PUF60: variants seen among roughly 807,000 people sequenced by gnomAD.
PUF60 encodes poly(U)-binding-splicing factor PUF60.
In PUF60, 10 loss-of-function variants were observed where a neutral mutation model predicts 61.8. That is an observed-to-expected ratio of 0.16 (90% CI 0.10 to 0.27). PUF60 has a LOEUF of 0.27. PUF60 is among the 10% of genes least tolerant of loss of function. The probability of loss-of-function intolerance (pLI) is 1.00; values close to 1 mark genes in which losing one functional copy is unlikely to be tolerated. For missense variants in PUF60, 371 were observed against 754.0 expected, an observed-to-expected ratio of 0.49 and a Z score of 5.95; for synonymous variants, 353 against 300.9, an observed-to-expected ratio of 1.17 and a Z score of -1.79.
rs782760216 is a variant in PUF60, at chr8:143,829,306, T to TGCGTCCGTCGCG, written c.-4_-3insCGCGACGGACGC. The TGCGTCCGTCGCG allele has an allele frequency of 6.3e-6, 8 of 1,264,262 alleles. No homozygotes were observed. The East Asian group carries it at 9.4e-5, about 15-fold the overall frequency. 78.3% of individuals were successfully genotyped at this position (1,264,262 alleles called of 1,614,324 possible). A position where few individuals can be genotyped will look rare whatever the true frequency, so the allele number is the denominator to read the frequency against. On this transcript the variant is annotated 5_prime_UTR_variant, in exon 1 of 12. Transcript: ENST00000526683. ...AGAGCTATGGTCGCCGTCGCCATCT[T>TGCGTCCGTCGCG]GCGTCCGTCGCGGCCTCCGCGCGCG...
At chr8:143,825,220 C>T (rs1217352419) in intron 1 of PUF60, 1 of 152,400 alleles carries the variant, frequency 6.6e-6, no homozygotes, top group Non-Finnish European at 1.5e-5. Flanking sequence ...ATGAGACCCA[C>T]AATATCTAAG....
At chr8:143,825,739 C>T (rs895625873) in intron 1 of PUF60, among the ~76,000 whole-genome samples, 1 of 152,230 alleles carries the variant, frequency 6.6e-6, no homozygotes, top group Non-Finnish European at 1.5e-5. Context: ...AGTGCTGGTA[C>T]TACAGGCGTG....
chr8:143,822,876 C>A (rs1186759174), intron 2 of PUF60: 1 of 318,494 alleles, frequency 3.1e-6, no homozygotes, highest in East Asian at 8.2e-5. Flanking sequence ...ACCGGGCCCT[C>A]CGAGACTTCC....
At chr8:143,821,770 C>A in intron 3 of PUF60, 48 bp downstream of exon 3, 1 of 1,579,114 alleles carries the variant, frequency 6.3e-7, no homozygotes, top group Non-Finnish European at 8.6e-7. Flanking sequence ...GCCCCTGCCC[C>A]CAGTTGACTG....
chr8:143,817,879 T>C lies in PUF60; in HGVS notation c.800A>G (p.Lys267Arg). Residue 267 changes from lysine to arginine, a missense_variant, in exon 8 of 12, where the codon AAG becomes AGG. Physicochemically the swap from Lys to Arg is conservative, Grantham distance 26. Around this residue, in one of 13 missense-constraint regions of PUF60, gnomAD observed 24 missense variants for 35.0 expected, o/e 0.68. Transcript: ENST00000526683. This position sits in a 1 kb window ranked among gnomAD's most constrained non-coding sequence, Gnocchi z 7.4. Reference protein sequence around the residue: ...LARDPTTGKHKGYGFIEYEKA... With the variant: ...LARDPTTGKHRGYGFIEYEKA... ...CAGCTCACCAATGAAGCCGTAGCCC[T>C]TGTGCTTGCCAGTTGTGGGGTCCCG... The C allele has an allele frequency of 6.2e-7, 1 of 1,612,394 alleles. No individual in the cohort carries two copies. Among genetic ancestry groups the C allele is most frequent in the Non-Finnish European group, 8.5e-7 (1 of 1,179,574 alleles).
chr8:143,826,426 G>C (rs1282757454), intron 1 of PUF60, among the ~76,000 whole-genome samples: 2 of 152,084 alleles, frequency 1.3e-5, no homozygotes, highest in Non-Finnish European at 2.9e-5. Context: ...TTTTTAAAAA[G>C]TAATGTGGCC....
In PUF60 at chr8:143,817,431, C is replaced by T; in HGVS notation, c.1044G>A (p.Leu348=). The T allele has an allele frequency of 6.2e-7, 1 of 1,606,724 alleles. No homozygotes were observed. Among genetic ancestry groups the T allele is most frequent in the South Asian group, 1.1e-5 (1 of 90,242 alleles). Residue 348 remains leucine, a synonymous_variant, in exon 10 of 12, where the codon CTG becomes CTA. Transcript: ENST00000526683. The surrounding 1 kb of genome is among the most constrained non-coding windows in gnomAD (Gnocchi z 7.4). The part of the protein sequence containing the change: ...AVAGAAVLGT[L]GTPGLVSPAL... Reference sequence around the variant, plus strand: ...CTGGGGACACCAGTCCAGGTGTGCCCAGGGTACCCAGCACCGCTGCTCCGG... The same window carrying T: ...CTGGGGACACCAGTCCAGGTGTGCCTAGGGTACCCAGCACCGCTGCTCCGG...
chr8:143,828,578 C>T (rs1817915554), intron 1 of PUF60, among the ~76,000 whole-genome samples: 1 of 152,178 alleles, frequency 6.6e-6, no homozygotes, highest in Non-Finnish European at 1.5e-5. Flanking sequence ...CCTAGGGCGC[C>T]CAGCAAATGG....
In PUF60 at chr8:143,817,682, G is replaced by A. The variant is rs1336872365; in HGVS notation, c.918C>T (p.Pro306=). ...GCGTGGCTGGTGTGAGTAGGGGCAT[G>A]GGCGGTGTGACAGCCTTGCCCACCC... is the stretch of plus-strand genomic sequence containing the variant. ...YLRVGKAVTP[P]MPLLTPATPG... Residue 306 remains proline, a synonymous_variant, in exon 9 of 12, where the codon CCC becomes CCT. Transcript: ENST00000526683. The surrounding 1 kb of genome is among the most constrained non-coding windows in gnomAD (Gnocchi z 7.4). 15 of 1,612,554 alleles carry A rather than the reference G, an allele frequency of 9.3e-6. No homozygotes were observed. Among genetic ancestry groups the A allele is most frequent in the Non-Finnish European group, 1.2e-5 (14 of 1,179,872 alleles).
In PUF60 at chr8:143,817,808, G is replaced by A. The variant is rs1390724119; in HGVS notation, c.818-26C>T. The stretch of plus-strand genomic sequence containing the variant: ...CTGTGGGCAGGAGCAGCAGTGAGCA[G>A]GGCCAGCCCCAGCCTCAGGTGGCCC... On this transcript the variant is annotated intron_variant, in intron 8 of 11. Coordinates refer to ENST00000526683, the MANE Select transcript of PUF60 (RefSeq NM_078480.3). The surrounding 1 kb of genome is among the most constrained non-coding windows in gnomAD (Gnocchi z 7.4). 6 of 1,607,116 alleles carry A rather than the reference G, an allele frequency of 3.7e-6. No individual in the cohort carries two copies. The highest frequency in any genetic ancestry group is 2.7e-5 in the African/African-American group (2 of 74,808).
intron 2 of PUF60, 82 bp downstream of exon 2, chr8:143,824,231 T>C (rs1302330168): frequency 1.7e-5 from 24 of 1,416,716 alleles, no homozygotes; most frequent in South Asian, 1.3e-4. Context: ...CAGCCCTCTC[T>C]GGGCCCAGGG....
rs1816570432 is a variant in PUF60 at position 143,818,084 on chromosome 8, G to A, written c.604-9C>T. On this transcript the variant is annotated splice_polypyrimidine_tract_variant and intron_variant, in intron 7 of 11. Coordinates refer to ENST00000526683, the MANE Select transcript of PUF60 (RefSeq NM_078480.3). The surrounding 1 kb of genome is among the most constrained non-coding windows in gnomAD (Gnocchi z 7.9). ...TTGCTGGGTCTGCCCACCTGGGGAAGAGGCGGTGAGATGGAAAGACCGGTC... is the reference window on the plus strand; with the variant it reads ...TTGCTGGGTCTGCCCACCTGGGGAAAAGGCGGTGAGATGGAAAGACCGGTC... 3 of 1,610,860 alleles carry A rather than the reference G, an allele frequency of 1.9e-6. No homozygotes were observed. Among genetic ancestry groups the A allele is most frequent in the Non-Finnish European group, 2.5e-6 (3 of 1,178,986 alleles).
In PUF60 at chr8:143,817,192, C is replaced by G. The variant is rs1352189968; in HGVS notation, c.1145-47G>C. The G allele has an allele frequency of 6.5e-7, 1 of 1,534,770 alleles. No homozygotes were observed. The highest frequency in any genetic ancestry group is 1.4e-5 in the African/African-American group (1 of 73,136). On this transcript the variant is annotated intron_variant, in intron 10 of 11. Coordinates refer to ENST00000526683, the MANE Select transcript of PUF60 (RefSeq NM_078480.3). This position sits in a 1 kb window ranked among gnomAD's most constrained non-coding sequence, Gnocchi z 7.4. The stretch of plus-strand genomic sequence containing the variant: ...CCATCAGTCACTCCCTACCACCCCC[C>G]TTCCCAGAAAGGCACAGAGCTGGCC...
Position 143,817,333 on chromosome 8 carries a change from G to C in PUF60, c.1142C>G (p.Thr381Arg). ...ATCTGGTACCACTTAAGACTCACCT[G>C]TGATGACTCCAGGTGCCTGGGCAGC... ...VMAAQAPGVITGVTPARPPIP... is the reference protein window; with the variant it reads ...VMAAQAPGVIRGVTPARPPIP... Residue 381 changes from threonine (T) to arginine (R), a missense_variant and splice_region_variant, in exon 10 of 12, where the codon ACA becomes AGA. By Grantham distance (71) the Thr-to-Arg change is moderately conservative (BLOSUM62 -1). Coordinates refer to ENST00000526683, the MANE Select transcript of PUF60 (RefSeq NM_078480.3). This position sits in a 1 kb window ranked among gnomAD's most constrained non-coding sequence, Gnocchi z 7.4. 6.3e-7 allele frequency: 1 copy of C among 1,588,900 alleles called. No homozygotes were observed. Among genetic ancestry groups the C allele is most frequent in the Non-Finnish European group, 8.5e-7 (1 of 1,172,584 alleles).
chr8:143,819,139 C>A (rs919357945), intron 5 of PUF60: 1 of 152,264 alleles, frequency 6.6e-6, no homozygotes, highest in African/African-American at 2.4e-5. Context: ...CCCTGCAACT[C>A]CTCACAAAGG....
rs773003559 is a variant in PUF60, at chr8:143,823,998, T to C, written c.111+315A>G. 5.4e-4 allele frequency among the ~76,000 whole-genome samples: 82 copies of C among 152,366 alleles called. 1 individual carries two copies. Among genetic ancestry groups the C allele is most frequent in the Middle Eastern group, 6.8e-3 (2 of 294 alleles). On this transcript the variant is annotated intron_variant, in intron 2 of 11. Transcript: ENST00000526683. ...ACCCTTCCTGCAAGACGCTCATGCC[T>C]AAGAACGCGCGAGCTCCAGGCCCCG... is the stretch of plus-strand genomic sequence containing the variant.
intron 2 of PUF60, chr8:143,822,639 A>G (rs1189493103): frequency 1.3e-5 from 6 of 454,022 alleles, no homozygotes; most frequent in African/African-American, 1.2e-4. Context: ...CTGGGGACCA[A>G]GAGGCCCTTG....
intron 11 of PUF60, 40 bp downstream of exon 11, chr8:143,816,870 C>T (rs772683574): frequency 2.5e-6 from 4 of 1,583,408 alleles, no homozygotes; most frequent in Non-Finnish European, 3.4e-6. Context: ...GCCCCGCCCC[C>T]CTACCCTCTC....
rs1817053340 is a variant in PUF60, at chr8:143,821,827, G to A, written c.198C>T (p.Ala66=). The stretch of plus-strand genomic sequence containing the variant: ...GGAGGTCCATGCTCACCTTCTGAAG[G>A]GCCTCCTGCTGCTCGGGCGTCAGGG... ...LPPLTPEQQE[A]LQKAKKYAME... is the part of the protein sequence containing the mutation. Residue 66 remains alanine, a synonymous_variant, in exon 3 of 12, where the codon GCC becomes GCT. Transcript: ENST00000526683. 1 of 1,610,522 alleles carries A rather than the reference G, an allele frequency of 6.2e-7. No homozygotes were observed. Among genetic ancestry groups the A allele is most frequent in the Non-Finnish European group, 8.5e-7 (1 of 1,179,294 alleles).
Sources: allele counts gnomAD v4.1 joint callset (sites outside exome capture counted in the v4.1 genomes callset), GRCh38; gene constraint gnomAD v4.1.1; regional missense constraint gnomAD v4.1.1; non-coding constraint Gnocchi (gnomAD v3.1); transcripts MANE v1.5; gene names NCBI Gene and HGNC (gene_info 2026-07-23, HGNC 2026-07-21).